The following TRAK1 variants were observed in gnomAD, a reference collection of about 807,000 sequenced individuals.
TRAK1 encodes the protein trafficking kinesin protein 1, also known as trafficking kinesin-binding protein 1.
A neutral mutation model predicts 92.1 loss-of-function variants in TRAK1; 33 were observed. The observed-to-expected ratio is 0.36, with a 90% confidence interval of 0.27 to 0.48. The LOEUF (loss-of-function observed/expected upper bound fraction) is 0.48. Among genes scored for constraint, TRAK1 ranks in the 20% least tolerant of loss-of-function variants. The probability of loss-of-function intolerance (pLI) is 0.99; values close to 1 mark genes in which losing one functional copy is unlikely to be tolerated. For missense variants in TRAK1, 1,123 were observed against 1,257.9 expected, an observed-to-expected ratio of 0.89 and a Z score of 1.62; for synonymous variants, 521 against 517.3, an observed-to-expected ratio of 1.01 and a Z score of -0.10.
At chr3:42,030,361 C>CCAAA (rs1702077470) in intron 1 of TRAK1, among the ~76,000 whole-genome samples, 1 of 46,656 alleles carries the variant, frequency 2.1e-5, no homozygotes, top group Non-Finnish European at 5.2e-5. Flanking sequence ...GACCCTGTCT[C>CCAAA]TAAAAAAAAA....
intron 2 of TRAK1, among the ~76,000 whole-genome samples, chr3:42,132,546 T>C (rs1697354310): frequency 6.6e-6 from 1 of 152,134 alleles, no homozygotes; most frequent in Non-Finnish European, 1.5e-5. Context: ...ATTATAGGAG[T>C]GAGCCACCAT....
intron 1 of TRAK1, among the ~76,000 whole-genome samples, chr3:42,070,232 A>T (rs1424491116): frequency 9.4e-6 from 1 of 106,212 alleles, no homozygotes; most frequent in Non-Finnish European, 2.0e-5. Flanking sequence ...TTATTATAAT[A>T]ATTATGAATA....
intron 2 of TRAK1, among the ~76,000 whole-genome samples, chr3:42,162,214 G>A (rs1223378127): frequency 6.6e-6 from 1 of 151,970 alleles, no homozygotes; most frequent in African/African-American, 2.4e-5. Context: ...ATATATCCTA[G>A]TCAAGAGAGG....
At chr3:42,203,528 T>G in intron 13 of TRAK1, 11 of 975,982 alleles carry the variant, frequency 1.1e-5, no homozygotes, top group Non-Finnish European at 1.3e-5. Context: ...TTTAGGCACT[T>G]ATAAAATGTT....
chr3:42,022,594 C>T (rs532564016), intron 1 of TRAK1, among the ~76,000 whole-genome samples: 46 of 152,040 alleles, frequency 3.0e-4, no homozygotes, highest in Non-Finnish European at 4.9e-4. Context: ...TGGTGGTGTG[C>T]CCCAGTAGTC....
chr3:42,074,746 A>G (rs999270627), intron 1 of TRAK1, among the ~76,000 whole-genome samples: 1 of 151,706 alleles, frequency 6.6e-6, no homozygotes, highest in East Asian at 1.9e-4. Context: ...TACATGGGTA[A>G]ATGGCCTGTC....
At chr3:42,105,208 C>T (rs984351178) in intron 1 of TRAK1, among the ~76,000 whole-genome samples, 4 of 152,168 alleles carry the variant, frequency 2.6e-5, no homozygotes, top group Non-Finnish European at 4.4e-5. Context: ...CCCGCCTCGG[C>T]CTCCCAAAGT....
At chr3:42,125,732 G>A in intron 2 of TRAK1, 118 bp downstream of exon 2, 1 of 1,160,890 alleles carries the variant, frequency 8.6e-7, no homozygotes, top group Non-Finnish European at 1.2e-6. Flanking sequence ...CCTCTGGAAA[G>A]GTAGTCAAAG....
At chr3:42,177,011 G>C in intron 3 of TRAK1, 121 bp downstream of exon 3, 1 of 879,808 alleles carries the variant, frequency 1.1e-6, no homozygotes, top group Non-Finnish European at 1.8e-6. Flanking sequence ...TCTCTTTCGA[G>C]GTATAATTTA....
At chr3:42,179,816 A>G (rs902315614) in intron 3 of TRAK1, among the ~76,000 whole-genome samples, 1 of 152,180 alleles carries the variant, frequency 6.6e-6, no homozygotes, top group Non-Finnish European at 1.5e-5. Flanking sequence ...CCTTATTTCC[A>G]AGGGCCTAAA....
intron 1 of TRAK1, among the ~76,000 whole-genome samples, chr3:42,032,480 GAAAA>G (rs57423237): frequency 8.3e-6 from 1 of 120,896 alleles, no homozygotes; most frequent in Non-Finnish European, 1.8e-5. Context: ...GGGTCAACCT[GAAAA>G]AAAAAAAAAA....
chr3:42,149,565 T>G, intron 2 of TRAK1: 1 of 1,536,118 alleles, frequency 6.5e-7, no homozygotes, highest in Non-Finnish European at 8.7e-7. Flanking sequence ...CGGATTATTA[T>G]GAACTAGACT....
intron 1 of TRAK1, among the ~76,000 whole-genome samples, chr3:42,112,248 C>G (rs1167434192): frequency 7.1e-6 from 1 of 140,904 alleles, no homozygotes; most frequent in Non-Finnish European, 1.5e-5. Context: ...TTCAAGAGTT[C>G]GATACTAGCC....
intron 1 of TRAK1, among the ~76,000 whole-genome samples, chr3:42,069,679 C>T (rs1258583784): frequency 2.0e-5 from 3 of 152,034 alleles, no homozygotes; most frequent in Non-Finnish European, 2.9e-5. Context: ...CTGGAAATGG[C>T]GTTGTGGTGA....
At chr3:42,151,250 G>T (rs1699913366) in intron 2 of TRAK1, 6 of 431,950 alleles carry the variant, frequency 1.4e-5, no homozygotes, top group Non-Finnish European at 2.7e-5. Context: ...CTGAAATAAA[G>T]CCAGTCGCTT....
At chr3:42,063,044 CAG>C (rs1288693932) in intron 1 of TRAK1, among the ~76,000 whole-genome samples, 2 of 152,214 alleles carry the variant, frequency 1.3e-5, no homozygotes, top group Non-Finnish European at 2.9e-5. Context: ...GTAGTAAAGT[CAG>C]AATTCCAGGC....
chr3:42,177,517 G>A (rs2149365203), intron 3 of TRAK1, among the ~76,000 whole-genome samples: 1 of 152,328 alleles, frequency 6.6e-6, no homozygotes, highest in Admixed American at 6.5e-5. Flanking sequence ...TGTTGAATAA[G>A]TCTCCATCAT....
intron 2 of TRAK1, among the ~76,000 whole-genome samples, chr3:42,142,624 G>A (rs1228274219): frequency 1.3e-5 from 2 of 152,206 alleles, no homozygotes; most frequent in African/African-American, 4.8e-5. Flanking sequence ...TTTGTACACT[G>A]TTTTATAAAA....
intron 14 of TRAK1, among the ~76,000 whole-genome samples, chr3:42,214,654 CTT>C (rs1272059167): frequency 3.9e-5 from 6 of 152,172 alleles, no homozygotes; most frequent in African/African-American, 1.4e-4. Flanking sequence ...GAAGAGTCGA[CTT>C]TTAATTTTGC....
Sources: gnomAD v4.1 joint callset for allele counts (sites outside exome capture counted in the v4.1 genomes callset) on GRCh38, gnomAD v4.1.1 for gene constraint, MANE v1.5 for transcripts, NCBI Gene and HGNC (gene_info 2026-07-23, HGNC 2026-07-21) for gene names.